The following ADAMTSL1 variants were observed in gnomAD, a reference collection of about 807,000 sequenced individuals.
The protein encoded by ADAMTSL1 is ADAMTS-like protein 1.
ADAMTSL1 carries 126 observed loss-of-function variants against 201.8 expected under a neutral mutation model. That is an observed-to-expected ratio of 0.62 (90% CI 0.54 to 0.72). ADAMTSL1 has a LOEUF of 0.72. Among genes scored for constraint, ADAMTSL1 ranks in the 30% least tolerant of loss-of-function variants. The pLI, the probability that ADAMTSL1 is intolerant of heterozygous loss-of-function variation, is 0.00. For missense variants in ADAMTSL1, 2,679 were observed against 2,277.8 expected (o/e 1.18, Z -3.59); for synonymous variants, 1,121 against 903.4 (o/e 1.24, Z -4.32).
intron 19 of ADAMTSL1, among the ~76,000 whole-genome samples, chr9:18,785,968 C>A (rs537652010): frequency 6.6e-6 from 1 of 152,278 alleles, no homozygotes; most frequent in East Asian, 1.9e-4. Context: ...TCAGGGAAGG[C>A]CTTGCTTACC....
At chr9:18,086,256 C>G (rs566526988) in intron 1 of ADAMTSL1, among the ~76,000 whole-genome samples, 2 of 152,212 alleles carry the variant, frequency 1.3e-5, no homozygotes, top group East Asian at 3.9e-4. Context: ...AAGGACAGAC[C>G]TCCCAGAGAC....
At chr9:17,957,980 C>A (rs80053393) in intron 1 of ADAMTSL1, among the ~76,000 whole-genome samples, 4 of 152,258 alleles carry the variant, frequency 2.6e-5, no homozygotes, top group East Asian at 1.9e-4. Flanking sequence ...TTGTTTGAAG[C>A]CTCCCAGTTT....
At chr9:18,774,668 C>T (rs200113802) in intron 17 of ADAMTSL1, among the ~76,000 whole-genome samples, 1 of 152,080 alleles carries the variant, frequency 6.6e-6, no homozygotes, top group Non-Finnish European at 1.5e-5. Context: ...TAAAATTTGA[C>T]TTAGTATGTT....
chr9:18,682,268 A>G (rs1301351787), intron 12 of ADAMTSL1, among the ~76,000 whole-genome samples: 2 of 152,220 alleles, frequency 1.3e-5, no homozygotes, highest in African/African-American at 4.8e-5. Flanking sequence ...TTCTAGAAAT[A>G]TATGTTTGAT....
intron 2 of ADAMTSL1, among the ~76,000 whole-genome samples, chr9:18,308,359 G>T (rs981379993): frequency 6.6e-6 from 1 of 152,064 alleles, no homozygotes; most frequent in Non-Finnish European, 1.5e-5. Context: ...AGAATTGAAG[G>T]AGATAGAGAC....
intron 23 of ADAMTSL1, among the ~76,000 whole-genome samples, chr9:18,843,633 C>G (rs947655290): frequency 8.6e-5 from 13 of 150,870 alleles, no homozygotes; most frequent in Admixed American, 6.6e-4. Context: ...AGAGTGTTTT[C>G]CAACTTGGTT....
chr9:18,572,900 T>C (rs1210096940), intron 3 of ADAMTSL1, among the ~76,000 whole-genome samples: 1 of 151,890 alleles, frequency 6.6e-6, no homozygotes, highest in African/African-American at 2.4e-5. Flanking sequence ...AGCTGGAGAG[T>C]CGACGACAGT....
At chr9:18,339,938 C>T (rs1256192861) in intron 2 of ADAMTSL1, among the ~76,000 whole-genome samples, 8 of 152,188 alleles carry the variant, frequency 5.3e-5, no homozygotes, top group Admixed American at 5.2e-4. Context: ...CTCCTATCAA[C>T]CATTGATCCT....
chr9:18,374,215 T>A (rs1477159038), intron 2 of ADAMTSL1, among the ~76,000 whole-genome samples: 1 of 152,232 alleles, frequency 6.6e-6, no homozygotes, highest in Non-Finnish European at 1.5e-5. Flanking sequence ...GCATTTGCCC[T>A]GGTCCTTCCT....
intron 2 of ADAMTSL1, among the ~76,000 whole-genome samples, chr9:18,233,989 G>A (rs184461231): frequency 1.3e-3 from 195 of 152,318 alleles, no homozygotes; most frequent in African/African-American, 4.4e-3. Flanking sequence ...CAACATGTGA[G>A]CACTTGACTG....
chr9:18,376,014 G>T (rs1312262250), intron 2 of ADAMTSL1, among the ~76,000 whole-genome samples: 14 of 152,158 alleles, frequency 9.2e-5, no homozygotes, highest in Non-Finnish European at 1.9e-4. Context: ...GTGCTGATTG[G>T]TGCATTTTAC....
intron 4 of ADAMTSL1, among the ~76,000 whole-genome samples, chr9:18,577,673 A>G (rs1215364277): frequency 1.3e-5 from 2 of 152,222 alleles, no homozygotes; most frequent in Non-Finnish European, 2.9e-5. Flanking sequence ...AAAGTGCTGT[A>G]GAAATGTAGA....
chr9:17,959,824 G>A (rs1242124781), intron 1 of ADAMTSL1, among the ~76,000 whole-genome samples: 1 of 152,100 alleles, frequency 6.6e-6, no homozygotes, highest in Non-Finnish European at 1.5e-5. Context: ...GTCCTAGAGT[G>A]TGACTTACTC....
At chr9:18,080,547 C>T (rs1424709079) in intron 1 of ADAMTSL1, among the ~76,000 whole-genome samples, 1 of 152,160 alleles carries the variant, frequency 6.6e-6, no homozygotes, top group Non-Finnish European at 1.5e-5. Flanking sequence ...GTTGTCTCTA[C>T]AAAAAACTGG....
intron 2 of ADAMTSL1, among the ~76,000 whole-genome samples, chr9:18,452,064 C>A (rs188207716): frequency 1.1e-3 from 170 of 152,306 alleles, no homozygotes; most frequent in Admixed American, 3.3e-3. Context: ...CAGGCAAGTG[C>A]CACCACGCCT....
At chr9:18,641,177 A>T (rs1827411845) in intron 7 of ADAMTSL1, among the ~76,000 whole-genome samples, 1 of 151,992 alleles carries the variant, frequency 6.6e-6, no homozygotes, top group Admixed American at 6.6e-5. Context: ...GTCTTCTTCC[A>T]TTCTCTTCAC....
intron 1 of ADAMTSL1, among the ~76,000 whole-genome samples, chr9:17,995,282 C>T (rs1445315056): frequency 6.6e-6 from 1 of 152,050 alleles, no homozygotes; most frequent in Non-Finnish European, 1.5e-5. Context: ...CTGTTAGGTC[C>T]AATCAAGGCG....
rs182710696 is a variant in ADAMTSL1, at chr9:18,007,438, C to T, written c.87+100516C>T. Among the ~76,000 whole-genome samples the T allele has an allele frequency of 3.4e-3, 518 of 152,086 alleles. 1 individual carries two copies. Among genetic ancestry groups the T allele is most frequent in the Non-Finnish European group, 4.8e-3 (327 of 67,934 alleles). Reference sequence around the variant, plus strand: ...ATACTACCATATCATTAGCCAGCTACATAGTAAAAAGCAAAAACAGACGGT... The same window carrying T: ...ATACTACCATATCATTAGCCAGCTATATAGTAAAAAGCAAAAACAGACGGT... On this transcript the variant is annotated intron_variant, in intron 1 of 29. Transcript: ENST00000680146.
chr9:18,600,497 C>T (rs932148604), intron 4 of ADAMTSL1, among the ~76,000 whole-genome samples: 1 of 152,182 alleles, frequency 6.6e-6, no homozygotes, highest in African/African-American at 2.4e-5. Flanking sequence ...ACAACCCTCC[C>T]TGAATTTTAA....
Sources: gnomAD v4.1 joint callset for allele counts (sites outside exome capture counted in the v4.1 genomes callset) on GRCh38, gnomAD v4.1.1 for gene constraint, MANE v1.5 for transcripts, NCBI Gene and HGNC (gene_info 2026-07-23, HGNC 2026-07-21) for gene names.